LDLRAD3: variants seen among roughly 807,000 people sequenced by gnomAD.
The protein encoded by LDLRAD3 is low-density lipoprotein receptor class A domain-containing protein 3.
Under a neutral mutation model 29.4 loss-of-function variants are expected in LDLRAD3, and 20 were observed. The ratio of observed to expected loss-of-function variants is 0.68; its 90% CI spans 0.48 to 0.99. The LOEUF is 0.99. LDLRAD3 is among the 50% of genes least tolerant of loss of function. The pLI is 0.00. For missense variants in LDLRAD3, 420 were observed against 454.3 expected (o/e 0.92, Z 0.69); for synonymous variants, 157 against 192.7 (o/e 0.81, Z 1.53).
At chr11:36,227,550 G>A (rs1270049307) in intron 5 of LDLRAD3, 120 bp downstream of exon 5, 4 of 704,696 alleles carry the variant, frequency 5.7e-6, no homozygotes, top group Non-Finnish European at 8.9e-6. Flanking sequence ...GCTATAGGCA[G>A]TGGCAGCATC....
chr11:36,168,498 C>CTTTTTTTTTTTTTTTTTTTTTTTCT (rs5791083), intron 4 of LDLRAD3, among the ~76,000 whole-genome samples: 1 of 115,830 alleles, frequency 8.6e-6, no homozygotes, highest in Non-Finnish European at 1.7e-5. Flanking sequence ...TTTCTTTCTT[C>CTTTTTTTTTTTTTTTTTTTTTTTCT]TTTTTTTTTT....
At chr11:35,998,445 A>G (rs971488052) in intron 1 of LDLRAD3, among the ~76,000 whole-genome samples, 5 of 152,220 alleles carry the variant, frequency 3.3e-5, no homozygotes, top group African/African-American at 7.2e-5. Flanking sequence ...TCAGCCAAGC[A>G]TATTCACCCT....
chr11:36,225,006 C>CA (rs1855480304), intron 4 of LDLRAD3, among the ~76,000 whole-genome samples: 1 of 152,088 alleles, frequency 6.6e-6, no homozygotes, highest in Non-Finnish European at 1.5e-5. Flanking sequence ...CATTGAGTGG[C>CA]AGGTATTTAT....
At chr11:36,100,431 A>G (rs1187018114) in intron 4 of LDLRAD3, among the ~76,000 whole-genome samples, 1 of 152,072 alleles carries the variant, frequency 6.6e-6, no homozygotes, top group Admixed American at 6.6e-5. Flanking sequence ...TTCTATGGCG[A>G]TTGTTTCTTT....
chr11:36,200,652 C>T (rs930546115), intron 4 of LDLRAD3, among the ~76,000 whole-genome samples: 7 of 152,174 alleles, frequency 4.6e-5, no homozygotes, highest in Admixed American at 3.3e-4. Flanking sequence ...AGTGTTGGCA[C>T]CAAATGCCTG....
chr11:35,985,701 G>A (rs1013291980), intron 1 of LDLRAD3, among the ~76,000 whole-genome samples: 49 of 152,104 alleles, frequency 3.2e-4, no homozygotes, highest in South Asian at 8.3e-4. Flanking sequence ...AGTCTCACAA[G>A]ATCTGATGGT....
At chr11:35,980,995 G>C (rs1433732391) in intron 1 of LDLRAD3, among the ~76,000 whole-genome samples, 1 of 152,170 alleles carries the variant, frequency 6.6e-6, no homozygotes, top group Admixed American at 6.5e-5. Flanking sequence ...CTGACCCCAG[G>C]GGAGGCAAGA....
Position 36,227,139 on chromosome 11 carries a change from C to G in LDLRAD3, c.509C>G (p.Pro170Arg). 6.2e-7 allele frequency: 1 copy of G among 1,613,038 alleles called. No individual in the cohort carries two copies. Among genetic ancestry groups the G allele is most frequent in the Non-Finnish European group, 8.5e-7 (1 of 1,179,378 alleles). Residue 170 changes from proline (P) to arginine (R), a missense_variant, in exon 5 of 6, where the codon CCC becomes CGC. Around this residue, in one of 3 missense-constraint regions of LDLRAD3, gnomAD observed 224 missense variants for 222.2 expected, o/e 1.01. Transcript: ENST00000315571. ...TCAGAGAACCAACTTGTGTATTACC[C>G]CAGCATCACCTATGCCATCATCGGC... ...VTSENQLVYY[P>R]SITYAIIGSS...
At chr11:36,155,156 A>ACTC (rs1156604782) in intron 4 of LDLRAD3, among the ~76,000 whole-genome samples, 45 of 152,218 alleles carry the variant, frequency 3.0e-4, no homozygotes, top group Non-Finnish European at 5.9e-4. Flanking sequence ...CCCAGAGTGG[A>ACTC]TCACAGCTGT....
At chr11:36,142,659 C>T (rs1300334206) in intron 4 of LDLRAD3, among the ~76,000 whole-genome samples, 2 of 151,988 alleles carry the variant, frequency 1.3e-5, no homozygotes, top group Non-Finnish European at 2.9e-5. Flanking sequence ...GTGGTGCACC[C>T]GGTGCAGCCG....
At chr11:36,140,232 G>A (rs1048137294) in intron 4 of LDLRAD3, among the ~76,000 whole-genome samples, 4 of 152,210 alleles carry the variant, frequency 2.6e-5, no homozygotes, top group South Asian at 2.1e-4. Context: ...ATGAGGGGAT[G>A]TGCACTTCTT....
chr11:36,202,744 C>T (rs534557979), intron 4 of LDLRAD3, among the ~76,000 whole-genome samples: 1 of 152,240 alleles, frequency 6.6e-6, no homozygotes, highest in South Asian at 2.1e-4. Flanking sequence ...CTTGTTTTTC[C>T]AAGGTCACCT....
intron 2 of LDLRAD3, among the ~76,000 whole-genome samples, chr11:36,042,914 G>A (rs946944039): frequency 6.6e-6 from 1 of 152,190 alleles, no homozygotes; most frequent in African/African-American, 2.4e-5. Context: ...AGAACTGTGA[G>A]ACAGTGAATT....
intron 4 of LDLRAD3, among the ~76,000 whole-genome samples, chr11:36,175,986 C>T (rs1029152223): frequency 6.6e-6 from 1 of 152,124 alleles, no homozygotes; most frequent in African/African-American, 2.4e-5. Context: ...CCTAGGAGCT[C>T]CATTGTTAGT....
At chr11:36,020,362 A>G (rs1201033271) in intron 1 of LDLRAD3, among the ~76,000 whole-genome samples, 1 of 152,232 alleles carries the variant, frequency 6.6e-6, no homozygotes, top group African/African-American at 2.4e-5. Flanking sequence ...GTGAAGAGAC[A>G]TGTTTTAGTT....
chr11:36,118,686 G>A (rs1249223846), intron 4 of LDLRAD3, among the ~76,000 whole-genome samples: 1 of 151,942 alleles, frequency 6.6e-6, no homozygotes, highest in East Asian at 1.9e-4. Context: ...GCTTTATTTA[G>A]ATGTAATTAA....
chr11:35,978,073 G>A (rs1011084205), intron 1 of LDLRAD3, among the ~76,000 whole-genome samples: 36 of 152,180 alleles, frequency 2.4e-4, no homozygotes, highest in Non-Finnish European at 3.4e-4. Flanking sequence ...GCAGCTTCCT[G>A]TGTGGGTTCC....
At chr11:36,187,301 T>A (rs560604394) in intron 4 of LDLRAD3, among the ~76,000 whole-genome samples, 5 of 152,224 alleles carry the variant, frequency 3.3e-5, no homozygotes, top group Admixed American at 6.5e-5. Context: ...GTGACCAGCA[T>A]GATTTGGTGA....
At chr11:35,997,769 G>GAGACT (rs1270674894) in intron 1 of LDLRAD3, 1 of 164,274 alleles carries the variant, frequency 6.1e-6, no homozygotes, top group Non-Finnish European at 1.3e-5. Context: ...GCCAAAAGTG[G>GAGACT]AGACTATTCT....
Sources: allele counts gnomAD v4.1 joint callset (sites outside exome capture counted in the v4.1 genomes callset), GRCh38; gene constraint gnomAD v4.1.1; regional missense constraint gnomAD v4.1.1; transcripts MANE v1.5; gene names NCBI Gene and HGNC (gene_info 2026-07-23, HGNC 2026-07-21).